Variants in ENPEP observed in about 807,000 individuals in gnomAD.
The protein encoded by ENPEP is AP-A.
A neutral mutation model predicts 114.5 loss-of-function variants in ENPEP; 103 were observed. That is an observed-to-expected ratio of 0.90 (90% CI 0.77 to 1.06). ENPEP has a LOEUF of 1.06. ENPEP is among the 50% of genes least tolerant of loss of function. ENPEP has a pLI of 0.00. For missense variants in ENPEP, 1,196 were observed against 1,161.3 expected (o/e 1.03, Z -0.43); for synonymous variants, 420 against 422.0 (o/e 1.00, Z 0.06).
Position 110,559,734 on chromosome 4 carries a change from A to C in ENPEP, c.2721+9A>C. On this transcript the variant is annotated intron_variant, in intron 19 of 19. Coordinates refer to ENST00000265162, the MANE Select transcript of ENPEP (RefSeq NM_001977.4). ...AACTGCAACTGTGGCAGGTATGAAG[A>C]TAAATTCCTCTGCATTTGTCCAAGA... 1.2e-6 allele frequency: 2 copies of C among 1,606,602 alleles called. No individual in the cohort carries two copies. The highest frequency in any genetic ancestry group is 1.1e-5 in the South Asian group (1 of 90,296).
At chr4:110,484,526 T>C (rs1724429390) in intron 1 of ENPEP, among the ~76,000 whole-genome samples, 2 of 151,926 alleles carry the variant, frequency 1.3e-5, no homozygotes, top group South Asian at 4.1e-4. Flanking sequence ...GTGACTGACA[T>C]TTGCTGAGAG....
At chr4:110,507,464 A>G (rs1725413709) in intron 4 of ENPEP, among the ~76,000 whole-genome samples, 1 of 152,228 alleles carries the variant, frequency 6.6e-6, no homozygotes, top group Admixed American at 6.5e-5. Flanking sequence ...AAGAAAACAA[A>G]TTAGCCAACA....
At chr4:110,479,687 G>C (rs1578387998) in intron 1 of ENPEP, among the ~76,000 whole-genome samples, 3 of 152,052 alleles carry the variant, frequency 2.0e-5, no homozygotes, top group Admixed American at 2.0e-4. Context: ...ATATTCTGAA[G>C]AATATCCACC....
chr4:110,526,142 A>G (rs776093402), intron 10 of ENPEP, among the ~76,000 whole-genome samples: 5 of 151,952 alleles, frequency 3.3e-5, no homozygotes, highest in Non-Finnish European at 7.4e-5. Context: ...CGGGCATGGT[A>G]GCACACACCT....
chr4:110,549,192 T>C (rs1472919400), intron 14 of ENPEP, among the ~76,000 whole-genome samples, 154 bp from the exon 15 acceptor site: 2 of 152,066 alleles, frequency 1.3e-5, no homozygotes, highest in South Asian at 2.1e-4. Flanking sequence ...TGCAATGTGA[T>C]AAAAATTAAA....
chr4:110,525,397 G>A (rs1027731713), intron 10 of ENPEP, among the ~76,000 whole-genome samples: 5 of 152,184 alleles, frequency 3.3e-5, no homozygotes, highest in East Asian at 1.9e-4. Flanking sequence ...TCCTCTGGAC[G>A]TTGTTCCCAT....
intron 18 of ENPEP, among the ~76,000 whole-genome samples, chr4:110,556,461 G>C (rs1188730965): frequency 6.7e-6 from 1 of 149,384 alleles, no homozygotes; most frequent in Admixed American, 6.7e-5. Flanking sequence ...ATTTTGAATG[G>C]CTTAATAATG....
At chr4:110,531,143 G>T in intron 10 of ENPEP, 55 bp from the exon 11 acceptor site, 1 of 1,123,600 alleles carries the variant, frequency 8.9e-7, no homozygotes, top group Non-Finnish European at 1.2e-6. Context: ...TTTTACTCTT[G>T]AAATTTTATC....
intron 8 of ENPEP, among the ~76,000 whole-genome samples, chr4:110,516,130 G>C (rs1010518414): frequency 6.6e-6 from 1 of 152,080 alleles, no homozygotes; most frequent in African/African-American, 2.4e-5. Flanking sequence ...CTGAGTACAA[G>C]ACTTTTCCCT....
chr4:110,481,916 A>G (rs1342202092), intron 1 of ENPEP, among the ~76,000 whole-genome samples: 2 of 152,174 alleles, frequency 1.3e-5, no homozygotes, highest in Non-Finnish European at 2.9e-5. Flanking sequence ...CAGCAGAGAC[A>G]AGTGAGAAAC....
intron 8 of ENPEP, among the ~76,000 whole-genome samples, chr4:110,516,334 G>A (rs140074780): frequency 6.0e-4 from 92 of 152,074 alleles, no homozygotes; most frequent in African/African-American, 2.2e-3. Flanking sequence ...TAAGCCAATC[G>A]TCCCAGGTTT....
At chr4:110,515,770 T>A (rs1160400970) in intron 8 of ENPEP, 1 of 469,172 alleles carries the variant, frequency 2.1e-6, no homozygotes, top group African/African-American at 2.0e-5. Context: ...AATGCATTTT[T>A]CTTGCAGTTA....
chr4:110,535,338 A>C (rs1206400667), intron 11 of ENPEP, among the ~76,000 whole-genome samples: 1 of 152,158 alleles, frequency 6.6e-6, no homozygotes, highest in Non-Finnish European at 1.5e-5. Flanking sequence ...GATTTACTAA[A>C]CATCTGTGAT....
Position 110,488,602 on chromosome 4 carries a change from G to A in ENPEP, c.706G>A (p.Glu236Lys). The change falls in exon 2 of 20, where the codon GAG (glutamate) becomes AAG (lysine). Residue 236 changes from glutamate to lysine, a missense_variant. By Grantham distance (56) the Glu-to-Lys change is moderately conservative (BLOSUM62 1). Transcript: ENST00000265162. The part of the protein sequence containing the change: ...DARKSFPCFD[E>K]PNKKATYTIS... ...CAGGAAATCTTTTCCTTGTTTTGAT[G>A]AGCCCAACAAAAAGGCAACTTATAC... 6 of 1,613,918 alleles carry A rather than the reference G, an allele frequency of 3.7e-6. No homozygotes were observed. The highest frequency in any genetic ancestry group is 2.7e-5 in the African/African-American group (2 of 75,012).
Position 110,489,782 on chromosome 4 carries a change from T to C in ENPEP, c.786+1100T>C, listed in dbSNP as rs145269787. Among the ~76,000 whole-genome samples the C allele has an allele frequency of 1.7e-3, 255 of 152,306 alleles. 2 individuals are homozygous for C. Among genetic ancestry groups the C allele is most frequent in the African/African-American group, 5.9e-3 (244 of 41,568 alleles). On this transcript the variant is annotated intron_variant, in intron 2 of 19. Transcript: ENST00000265162. ...CATGTAAAAGGGTCAGCCTCATCTT[T>C]AGGTATAATAATCAGAAGGACACCA...
At chr4:110,487,028 T>G (rs2110335225) in intron 1 of ENPEP, among the ~76,000 whole-genome samples, 1 of 152,234 alleles carries the variant, frequency 6.6e-6, no homozygotes, top group African/African-American at 2.4e-5. Context: ...CTGGGTGGGA[T>G]GGCAGAACTG....
chr4:110,548,536 A>G (rs1198380846), intron 14 of ENPEP, among the ~76,000 whole-genome samples: 1 of 152,046 alleles, frequency 6.6e-6, no homozygotes, highest in Non-Finnish European at 1.5e-5. Context: ...GTTGTTCTGC[A>G]TACATACCAC....
Position 110,548,139 on chromosome 4 carries a change from G to GTTTTTT in ENPEP, c.2001-17_2001-12dup, listed in dbSNP as rs3042468. The stretch of plus-strand genomic sequence containing the variant: ...GTCTGTGGTTTTTAATTAACTGTGA[G>GTTTTTT]TTTTTTTTTTTTTTTTTTTTTTTTT... On this transcript the variant is annotated intron_variant, in intron 13 of 19. Coordinates refer to ENST00000265162, the MANE Select transcript of ENPEP (RefSeq NM_001977.4). 1,394 of 691,386 alleles carry GTTTTTT rather than the reference G, an allele frequency of 2.0e-3. 7 individuals are homozygous for GTTTTTT. Among genetic ancestry groups the GTTTTTT allele is most frequent in the Non-Finnish European group, 2.2e-3 (1,176 of 539,166 alleles). 42.8% of individuals were successfully genotyped at this position (691,386 alleles called of 1,614,324 possible). A position where few individuals can be genotyped will look rare whatever the true frequency, so the allele number is the denominator to read the frequency against.
At chr4:110,496,450 A>G (rs1724941007) in intron 3 of ENPEP, among the ~76,000 whole-genome samples, 1 of 152,194 alleles carries the variant, frequency 6.6e-6, no homozygotes, top group Non-Finnish European at 1.5e-5. Flanking sequence ...TTATATAACC[A>G]TTTATCAAAC....
Sources: allele counts gnomAD v4.1 joint callset (sites outside exome capture counted in the v4.1 genomes callset), GRCh38; gene constraint gnomAD v4.1.1; transcripts MANE v1.5; gene names NCBI Gene and HGNC (gene_info 2026-07-23, HGNC 2026-07-21).